The following GSE1 variants were observed in gnomAD, a reference collection of about 807,000 sequenced individuals.
GSE1 encodes genetic suppressor element 1.
A neutral mutation model predicts 112.6 loss-of-function variants in GSE1; 32 were observed. That is an observed-to-expected ratio of 0.28 (90% CI 0.21 to 0.38). The LOEUF (loss-of-function observed/expected upper bound fraction) is 0.38, where lower values mean the gene tolerates loss of function less well. Ranked by LOEUF, GSE1 falls within the 10% of genes least tolerant of loss-of-function variation. The probability of loss-of-function intolerance (pLI) is 1.00; values close to 1 mark genes in which losing one functional copy is unlikely to be tolerated. For missense variants in GSE1, 2,348 were observed against 1,699.2 expected (o/e 1.38, Z -6.71); for synonymous variants, 1,115 against 735.6 (o/e 1.52, Z -8.35).
intron 2 of GSE1, among the ~76,000 whole-genome samples, chr16:85,446,660 C>T (rs763539733): frequency 6.6e-6 from 1 of 152,182 alleles, no homozygotes; most frequent in East Asian, 1.9e-4. Flanking sequence ...AGCGGGTTCT[C>T]TGCCTGCATG....
At chr16:85,437,774 C>G (rs1341126739) in intron 2 of GSE1, among the ~76,000 whole-genome samples, 4 of 152,166 alleles carry the variant, frequency 2.6e-5, no homozygotes, top group African/African-American at 4.8e-5. Flanking sequence ...TCCAGGAGGC[C>G]GAACACCACC....
intron 1 of GSE1, among the ~76,000 whole-genome samples, chr16:85,352,880 A>G (rs1180083408): frequency 6.6e-6 from 1 of 152,212 alleles, no homozygotes; most frequent in African/African-American, 2.4e-5. Context: ...GAGCTAGGCC[A>G]GGGGAGGGAC....
intron 2 of GSE1, among the ~76,000 whole-genome samples, chr16:85,444,795 C>T (rs1205883169): frequency 6.6e-6 from 1 of 152,184 alleles, no homozygotes; most frequent in Non-Finnish European, 1.5e-5. Flanking sequence ...TGCTGGGCCC[C>T]TGCCCCAGTC....
chr16:85,532,055 G>C (rs769907484), intron 2 of GSE1, among the ~76,000 whole-genome samples: 2 of 152,166 alleles, frequency 1.3e-5, no homozygotes, highest in Admixed American at 6.5e-5. Context: ...CTCTGAGCGC[G>C]TTGTATACAG....
At chr16:85,670,507 C>CTGGATA (rs2053243646) in intron 14 of GSE1, 1 of 152,126 alleles carries the variant, frequency 6.6e-6, no homozygotes, top group Non-Finnish European at 1.5e-5. Flanking sequence ...TGAGCACTTT[C>CTGGATA]CCTGTTTTTC....
intron 2 of GSE1, among the ~76,000 whole-genome samples, chr16:85,461,894 C>CTCT (rs2049979203): frequency 6.6e-6 from 1 of 152,170 alleles, no homozygotes; most frequent in East Asian, 1.9e-4. Flanking sequence ...CGGCAGGCAG[C>CTCT]CCTGCCCCTC....
At chr16:85,287,495 G>C (rs962839102) in intron 1 of GSE1, among the ~76,000 whole-genome samples, 1 of 152,144 alleles carries the variant, frequency 6.6e-6, no homozygotes, top group African/African-American at 2.4e-5. Context: ...TTCTGCCCCT[G>C]CTGGCCTTCT....
intron 1 of GSE1, among the ~76,000 whole-genome samples, chr16:85,633,191 C>T (rs1006497102): frequency 1.3e-5 from 2 of 152,212 alleles, no homozygotes; most frequent in Non-Finnish European, 2.9e-5. Flanking sequence ...TAAGGGGCCA[C>T]AGTGGGGTCT....
intron 1 of GSE1, chr16:85,282,984 AC>A (rs1355121828): frequency 3.3e-5 from 5 of 152,340 alleles, no homozygotes; most frequent in African/African-American, 4.8e-5. Context: ...GGCTGGAGTC[AC>A]CTGCAGGCTG....
At chr16:85,215,177 C>T (rs1448034344) in intron 1 of GSE1, among the ~76,000 whole-genome samples, 6 of 152,218 alleles carry the variant, frequency 3.9e-5, no homozygotes, top group Non-Finnish European at 8.8e-5. Context: ...CAGATCCCTG[C>T]TCCTCAGCTC....
At chr16:85,296,963 G>A (rs892549624) in intron 1 of GSE1, among the ~76,000 whole-genome samples, 2 of 152,214 alleles carry the variant, frequency 1.3e-5, no homozygotes, top group Middle Eastern at 3.2e-3. Flanking sequence ...GCCAGTGCCC[G>A]ATCTTTCCTC....
intron 1 of GSE1, among the ~76,000 whole-genome samples, chr16:85,300,045 C>G (rs2045477330): frequency 6.6e-6 from 1 of 150,734 alleles, no homozygotes; most frequent in African/African-American, 2.4e-5. Flanking sequence ...CAGTTTTGCT[C>G]TTCTAGCCCA....
chr16:85,416,332 T>C (rs1335962169), intron 2 of GSE1, among the ~76,000 whole-genome samples: 1 of 152,098 alleles, frequency 6.6e-6, no homozygotes, highest in Non-Finnish European at 1.5e-5. Context: ...GGCCGCCTAA[T>C]TTCTCAAGGT....
chr16:85,661,065 G>C, intron 8 of GSE1, 81 bp from the exon 9 acceptor site: 4 of 1,370,922 alleles, frequency 2.9e-6, no homozygotes, highest in African/African-American at 1.4e-5. Context: ...TGTCATCTTA[G>C]GAGCGGCAGG....
chr16:85,615,984 C>T (rs1054395438), intron 1 of GSE1, among the ~76,000 whole-genome samples: 5 of 152,240 alleles, frequency 3.3e-5, no homozygotes, highest in African/African-American at 9.6e-5. Context: ...GATGAGCCCT[C>T]CCCTCCAGCA....
intron 1 of GSE1, among the ~76,000 whole-genome samples, chr16:85,235,412 G>C (rs1904497271): frequency 6.7e-6 from 1 of 148,646 alleles, no homozygotes; most frequent in African/African-American, 2.5e-5. Context: ...GGGGTGAGGG[G>C]GGTGATGGAA....
At chr16:85,643,152 C>T (rs1218781404) in intron 2 of GSE1, among the ~76,000 whole-genome samples, 2 of 152,188 alleles carry the variant, frequency 1.3e-5, no homozygotes, top group Non-Finnish European at 2.9e-5. Flanking sequence ...TGGGCCTCAG[C>T]GCTAATCTTC....
chr16:85,392,506 C>G (rs1388342858), intron 2 of GSE1, among the ~76,000 whole-genome samples: 1 of 152,150 alleles, frequency 6.6e-6, no homozygotes, highest in Non-Finnish European at 1.5e-5. Flanking sequence ...TGAGTAGCTG[C>G]CCACTTTTGT....
chr16:85,319,420 C>G (rs564160428), intron 1 of GSE1, among the ~76,000 whole-genome samples: 1 of 152,318 alleles, frequency 6.6e-6, no homozygotes, highest in African/African-American at 2.4e-5. Context: ...TGGGCCTCAG[C>G]CTGTGTCCGC....
Sources: gnomAD v4.1 joint callset for allele counts (sites outside exome capture counted in the v4.1 genomes callset) on GRCh38, gnomAD v4.1.1 for gene constraint, MANE v1.5 for transcripts, NCBI Gene and HGNC (gene_info 2026-07-23, HGNC 2026-07-21) for gene names.